Variants in SNX8 observed in about 807,000 individuals in gnomAD.
The protein encoded by SNX8 is sorting nexin-8.
In SNX8, 25 loss-of-function variants were observed where a neutral mutation model predicts 51.6. The observed-to-expected ratio is 0.48, with a 90% confidence interval of 0.35 to 0.68. SNX8 has a LOEUF of 0.68. Ranked by LOEUF, SNX8 falls within the 30% of genes least tolerant of loss-of-function variation. The pLI, the probability that SNX8 is intolerant of heterozygous loss-of-function variation, is 0.00. For missense variants in SNX8, 695 were observed against 624.0 expected (o/e 1.11, Z -1.21); for synonymous variants, 324 against 277.0 (o/e 1.17, Z -1.68).
intron 1 of SNX8, chr7:2,299,578 G>A (rs1180693838): frequency 1.3e-5 from 2 of 152,134 alleles, no homozygotes; most frequent in Non-Finnish European, 2.9e-5. Context: ...TTAGCAAATT[G>A]GGGGAATCTT....
At chr7:2,351,498 C>G (rs575995417) in intron 1 of SNX8, among the ~76,000 whole-genome samples, 1 of 151,796 alleles carries the variant, frequency 6.6e-6, no homozygotes, top group African/African-American at 2.4e-5. Context: ...GCGACGGCAC[C>G]ACTGTACTCC....
chr7:2,334,209 T>C (rs567789230), intron 1 of SNX8, among the ~76,000 whole-genome samples: 175 of 152,062 alleles, frequency 1.2e-3, no homozygotes, highest in African/African-American at 3.8e-3. Context: ...CGAGACCATC[T>C]TGGCTAACAC....
At chr7:2,257,603 CG>C (rs749041990) in intron 8 of SNX8, 89 bp from the exon 9 acceptor site, 73 of 1,574,564 alleles carry the variant, frequency 4.6e-5, no homozygotes, top group Non-Finnish European at 5.6e-5. Flanking sequence ...CCCCGCCAGA[CG>C]GAAGGCCCCG....
intron 1 of SNX8, among the ~76,000 whole-genome samples, chr7:2,348,480 AC>A (rs1250248685): frequency 2.0e-5 from 3 of 151,558 alleles, no homozygotes; most frequent in African/African-American, 4.8e-5. Context: ...AGCTGGGACT[AC>A]AGGCGCCCGC....
Position 2,269,586 on chromosome 7 carries a change from C to T in SNX8, c.594G>A (p.Leu198=), listed in dbSNP as rs1346893132. The T allele has an allele frequency of 1.3e-6, 2 of 1,588,818 alleles. No individual in the cohort carries two copies. The highest frequency in any genetic ancestry group is 1.7e-6 in the Non-Finnish European group (2 of 1,168,032). ...ESAQCVGDEF[L]NCKLATRAKD... is the part of the protein sequence containing the mutation. ...TGGCCCTGGTAGCCAGCTTACAGTT[C>T]AGGAATTCGTCCCCGACGCACTGTG... Residue 198 remains leucine, a synonymous_variant, in exon 5 of 11, where the codon CTG becomes CTA. Transcript: ENST00000222990.
chr7:2,257,522 G>A lies in SNX8; in HGVS notation c.985-8C>T, dbSNP rs1464504618. The A allele has an allele frequency of 2.5e-6, 4 of 1,600,516 alleles. No individual in the cohort carries two copies. Among genetic ancestry groups the A allele is most frequent in the South Asian group, 1.1e-5 (1 of 90,630 alleles). On this transcript the variant is annotated splice_polypyrimidine_tract_variant and splice_region_variant and intron_variant, in intron 8 of 10. Transcript: ENST00000222990. ...ATGCCGCTCGCACAGGTCCTGCGGG[G>A]CCGGGGGAGGCATTCGCCCGCTGTC...
chr7:2,302,903 C>T (rs1266607475), intron 1 of SNX8, among the ~76,000 whole-genome samples: 4 of 150,188 alleles, frequency 2.7e-5, no homozygotes, highest in African/African-American at 7.4e-5. Context: ...CCCCTCCGCC[C>T]GGCAGCCGCC....
chr7:2,303,604 G>C (rs1352495537), intron 1 of SNX8, among the ~76,000 whole-genome samples: 1 of 152,228 alleles, frequency 6.6e-6, no homozygotes, highest in Non-Finnish European at 1.5e-5. Flanking sequence ...ATTTTGTTCT[G>C]TACTAAGAAA....
chr7:2,275,042 G>T, intron 3 of SNX8, 70 bp downstream of exon 3: 1 of 1,075,404 alleles, frequency 9.3e-7, no homozygotes, highest in Non-Finnish European at 1.5e-6. Flanking sequence ...CCATCCCTGA[G>T]CCAGGACCAC....
intron 3 of SNX8, 60 bp downstream of exon 3, chr7:2,275,052 C>G (rs1584688741): frequency 8.6e-7 from 1 of 1,159,718 alleles, no homozygotes; most frequent in East Asian, 2.3e-5. Flanking sequence ...GCCAGGACCA[C>G]AGGGTCCAGG....
chr7:2,262,683 T>C (rs1795365332), intron 7 of SNX8, among the ~76,000 whole-genome samples: 1 of 152,114 alleles, frequency 6.6e-6, no homozygotes, highest in Non-Finnish European at 1.5e-5. Flanking sequence ...CTCAGCAAAA[T>C]CAACACTCAA....
chr7:2,301,052 G>A (rs754077487), intron 1 of SNX8, among the ~76,000 whole-genome samples: 16 of 152,156 alleles, frequency 1.1e-4, no homozygotes, highest in Admixed American at 3.9e-4. Context: ...CTTTCATTAC[G>A]TCCTGTTTCC....
In SNX8 at chr7:2,278,279, G is replaced by A. The variant is rs1331064664; in HGVS notation, c.121C>T (p.Pro41Ser). The change falls in exon 2 of 11, where the codon CCC becomes TCC. Residue 41 changes from proline to serine, a missense_variant. Transcript: ENST00000222990. ...SDLPTPQAIE[P>S]QAIVQQVPAP... is the part of the protein sequence containing the mutation. ...GGGACCTGCTGCACGATGGCCTGGGGCTCGATGGCCTGGGGTGTCGGCAGA... is the reference window on the plus strand; with the variant it reads ...GGGACCTGCTGCACGATGGCCTGGGACTCGATGGCCTGGGGTGTCGGCAGA... The A allele has an allele frequency of 6.3e-7, 1 of 1,588,046 alleles. No individual in the cohort carries two copies. The highest frequency in any genetic ancestry group is 8.6e-7 in the Non-Finnish European group (1 of 1,164,792).
upstream of SNX8, among the ~76,000 whole-genome samples, chr7:2,318,663 C>A (rs1796791272): frequency 6.6e-6 from 1 of 151,642 alleles, no homozygotes; most frequent in Admixed American, 6.6e-5. Context: ...CCATTGTACT[C>A]CAGCTTGGGC....
chr7:2,351,312 G>A (rs140345672), intron 1 of SNX8, among the ~76,000 whole-genome samples: 195 of 152,238 alleles, frequency 1.3e-3, no homozygotes, highest in Middle Eastern at 6.8e-3. Context: ...AGCACTTTGG[G>A]AGGCAGAGTT....
intron 5 of SNX8, among the ~76,000 whole-genome samples, chr7:2,267,583 G>C (rs1270625923): frequency 7.1e-6 from 1 of 141,120 alleles, no homozygotes; most frequent in African/African-American, 2.6e-5. Context: ...CGAGGTGCCG[G>C]GATTGCAGAC....
intron 1 of SNX8, among the ~76,000 whole-genome samples, chr7:2,326,235 CAT>C (rs1396589371): frequency 6.6e-6 from 1 of 152,006 alleles, no homozygotes; most frequent in Non-Finnish European, 1.5e-5. Context: ...CATGGTGGCA[CAT>C]GTCTGTGATC....
chr7:2,290,209 T>A (rs1258863348), intron 1 of SNX8, among the ~76,000 whole-genome samples: 1 of 151,292 alleles, frequency 6.6e-6, no homozygotes, highest in Admixed American at 6.6e-5. Flanking sequence ...AATGAAAAAA[T>A]AAATAAATAA....
At chr7:2,270,303 C>G (rs1432351174) in intron 4 of SNX8, among the ~76,000 whole-genome samples, 1 of 105,492 alleles carries the variant, frequency 9.5e-6, no homozygotes, top group Non-Finnish European at 1.7e-5. Flanking sequence ...TCTGACTCAA[C>G]TCTCATTTTA....
Sources: gnomAD v4.1 joint callset for allele counts (sites outside exome capture counted in the v4.1 genomes callset) on GRCh38, gnomAD v4.1.1 for gene constraint, MANE v1.5 for transcripts, NCBI Gene and HGNC (gene_info 2026-07-23, HGNC 2026-07-21) for gene names.